Variants in TBC1D5 observed in about 807,000 individuals in gnomAD.
TBC1D5 encodes TBC1 domain family, member 5.
A neutral mutation model predicts 100.3 loss-of-function variants in TBC1D5; 75 were observed. That is an observed-to-expected ratio of 0.75 (90% confidence interval 0.62 to 0.91). The LOEUF is 0.91. Ranked by LOEUF, TBC1D5 falls within the 40% of genes least tolerant of loss-of-function variation. TBC1D5 has a pLI of 0.00. For missense variants in TBC1D5, 910 were observed against 942.4 expected, an observed-to-expected ratio of 0.97 and a Z score of 0.45; for synonymous variants, 323 against 325.6, an observed-to-expected ratio of 0.99 and a Z score of 0.09.
intron 3 of TBC1D5, among the ~76,000 whole-genome samples, chr3:17,430,872 T>C (rs1005435350): frequency 1.3e-5 from 2 of 151,906 alleles, no homozygotes; most frequent in African/African-American, 2.4e-5. Context: ...GAGATTTTCC[T>C]TGGTGTGAAA....
In TBC1D5 at chr3:17,511,567, C is replaced by A. The variant is rs990703864; in HGVS notation, c.-35-2962G>T. Among the ~76,000 whole-genome samples, 3 of 151,864 alleles carry A rather than the reference C, an allele frequency of 2.0e-5. 1 individual carries two copies. Among genetic ancestry groups the A allele is most frequent in the African/African-American group, 7.2e-5 (3 of 41,396 alleles). The stretch of plus-strand genomic sequence containing the variant: ...TTTTAAACCCTCATCTTTATGTTGT[C>A]AGAAGAAAATACTCTACCACACAAT... On this transcript the variant is annotated intron_variant, in intron 2 of 21. Transcript: ENST00000253692.
chr3:17,180,117 A>C (rs2068270381), intron 19 of TBC1D5, among the ~76,000 whole-genome samples: 1 of 152,246 alleles, frequency 6.6e-6, no homozygotes, highest in Admixed American at 6.5e-5. Flanking sequence ...CAACAGAAAA[A>C]TCAACATGTA....
At chr3:17,659,391 A>C (rs1396350547) in intron 1 of TBC1D5, among the ~76,000 whole-genome samples, 1 of 152,124 alleles carries the variant, frequency 6.6e-6, no homozygotes, top group Non-Finnish European at 1.5e-5. Context: ...AGAGATAACC[A>C]TCTAGGAAGA....
At chr3:17,318,169 C>T (rs931429821) in intron 13 of TBC1D5, among the ~76,000 whole-genome samples, 2 of 137,964 alleles carry the variant, frequency 1.4e-5, no homozygotes, top group South Asian at 2.2e-4. Flanking sequence ...TAGATGGGAA[C>T]TGAACAATGA....
At chr3:17,370,388 G>T (rs1004480914) in intron 13 of TBC1D5, among the ~76,000 whole-genome samples, 3 of 152,158 alleles carry the variant, frequency 2.0e-5, no homozygotes, top group African/African-American at 7.2e-5. Context: ...TTGCACAGTG[G>T]AGAGGAATAT....
chr3:17,414,676 C>T (rs531706466), intron 4 of TBC1D5, among the ~76,000 whole-genome samples: 43 of 152,160 alleles, frequency 2.8e-4, no homozygotes, highest in Non-Finnish European at 4.4e-4. Flanking sequence ...CAGATAAACA[C>T]TGATGTTATC....
chr3:17,545,780 T>C lies in TBC1D5; in HGVS notation c.-35-37175A>G, dbSNP rs149811578. Among the ~76,000 whole-genome samples the C allele has an allele frequency of 4.7e-3, 710 of 152,330 alleles. 7 individuals are homozygous for C. Among genetic ancestry groups the C allele is most frequent in the African/African-American group, 0.016 (653 of 41,582 alleles). ...ACTATGCCAATTACATCACTCATTA[T>C]TTGCTTCCTAGTCCTTAGCACAAAC... On this transcript the variant is annotated intron_variant, in intron 2 of 21. Coordinates refer to ENST00000253692, the Ensembl canonical transcript of TBC1D5.
chr3:17,274,216 T>C (rs2149745371), intron 15 of TBC1D5, among the ~76,000 whole-genome samples: 1 of 152,304 alleles, frequency 6.6e-6, no homozygotes, highest in Non-Finnish European at 1.5e-5. Flanking sequence ...GCATCAACTG[T>C]GTTACCTCTA....
intron 17 of TBC1D5, among the ~76,000 whole-genome samples, chr3:17,215,706 T>C (rs577894094): frequency 6.6e-6 from 1 of 152,242 alleles, no homozygotes; most frequent in South Asian, 2.1e-4. Context: ...GATTGGCCCC[T>C]TGGAAACGTT....
chr3:17,243,481 C>A (rs1354009301), intron 16 of TBC1D5, among the ~76,000 whole-genome samples: 1 of 151,722 alleles, frequency 6.6e-6, no homozygotes, highest in East Asian at 1.9e-4. Flanking sequence ...CACACTCTAC[C>A]TCCAAAATGT....
At chr3:17,494,175 G>A (rs1454612331) in intron 3 of TBC1D5, among the ~76,000 whole-genome samples, 1 of 152,026 alleles carries the variant, frequency 6.6e-6, no homozygotes, top group African/African-American at 2.4e-5. Flanking sequence ...TGGCTGCTGT[G>A]GTTTGCTTGG....
At chr3:17,674,272 T>C (rs374324659) in intron 1 of TBC1D5, among the ~76,000 whole-genome samples, 7 of 152,226 alleles carry the variant, frequency 4.6e-5, no homozygotes, top group Admixed American at 4.6e-4. Flanking sequence ...TGACAGGTCA[T>C]CTATTGCGAA....
At position 17,467,308 on chromosome 3, in the gene TBC1D5, C is replaced by CT. The variant is rs1177809993; in HGVS notation, c.98-38790dup. Among the ~76,000 whole-genome samples, 15 of 87,892 alleles carry CT rather than the reference C, an allele frequency of 1.7e-4. No individual in the cohort carries two copies. In the East Asian group the frequency reaches 2.8e-3, roughly 16 times the overall value. The allele number at this position is 87,892 out of a possible 152,430, so 57.7% of individuals were successfully genotyped here. A position where few individuals can be genotyped will look rare whatever the true frequency, so the allele number is the denominator to read the frequency against. ...CTTCTTTTTTTTTTTTTTTTTTGAT[C>CT]TTTTTTTTATTATTTTTACTATTAT... On this transcript the variant is annotated intron_variant, in intron 3 of 21. Transcript: ENST00000253692.
intron 1 of TBC1D5, among the ~76,000 whole-genome samples, chr3:17,710,564 C>CAATAAATAAATAAATAAATA (rs200722930): frequency 6.7e-6 from 1 of 148,970 alleles, no homozygotes; most frequent in African/African-American, 2.5e-5. Flanking sequence ...AACTCCATCT[C>CAATAAATAAATAAATAAATA]AATAAATAAA....
chr3:17,566,357 CA>C (rs1306416986), intron 2 of TBC1D5, among the ~76,000 whole-genome samples: 2 of 151,716 alleles, frequency 1.3e-5, no homozygotes, highest in African/African-American at 4.8e-5. Flanking sequence ...AATACAAAAA[CA>C]AGACAAGACA....
intron 2 of TBC1D5, among the ~76,000 whole-genome samples, chr3:17,574,272 T>A (rs556660537): frequency 2.0e-5 from 3 of 152,118 alleles, no homozygotes; most frequent in Admixed American, 2.0e-4. Flanking sequence ...GCCTCCAAAT[T>A]AAGCTTGGGA....
At chr3:17,327,677 T>TAG (rs1388746147) in intron 13 of TBC1D5, among the ~76,000 whole-genome samples, 1 of 152,146 alleles carries the variant, frequency 6.6e-6, no homozygotes, top group Non-Finnish European at 1.5e-5. Context: ...CTGTACTCCT[T>TAG]AGATCCCTTC....
chr3:17,292,055 T>C (rs55983935), intron 14 of TBC1D5, 54 bp from the exon 15 acceptor site: 247 of 1,418,856 alleles, frequency 1.7e-4, no homozygotes, highest in Middle Eastern at 3.6e-4. Flanking sequence ...ATATTCTGCA[T>C]TGCTGAGAAT....
chr3:17,464,152 T>C (rs932524176), intron 3 of TBC1D5, among the ~76,000 whole-genome samples: 10 of 152,020 alleles, frequency 6.6e-5, no homozygotes, highest in African/African-American at 2.4e-4. Flanking sequence ...GGTTTCTCCA[T>C]ATTGGTCAGG....
Sources: allele counts gnomAD v4.1 joint callset (sites outside exome capture counted in the v4.1 genomes callset), GRCh38; gene constraint gnomAD v4.1.1; transcripts MANE v1.5; gene names NCBI Gene and HGNC (gene_info 2026-07-23, HGNC 2026-07-21).